Variants in GRIP2 observed in about 807,000 individuals in gnomAD.
The protein encoded by GRIP2 is glutamate receptor interacting protein 2.
Under a neutral mutation model 108.3 loss-of-function variants are expected in GRIP2, and 58 were observed. The ratio of observed to expected loss-of-function variants is 0.54; its 90% confidence interval spans 0.43 to 0.67. The LOEUF (loss-of-function observed/expected upper bound fraction) is 0.67, where lower values mean the gene tolerates loss of function less well. GRIP2 is among the 30% of genes least tolerant of loss of function. The pLI, the probability that GRIP2 is intolerant of heterozygous loss-of-function variation, is 0.00. For synonymous variants in GRIP2, 586 were observed against 598.2 expected (o/e 0.98, Z 0.30); for missense variants, 1,278 against 1,430.6 (o/e 0.89, Z 1.72).
intron 1 of GRIP2, among the ~76,000 whole-genome samples, chr3:14,528,039 C>G (rs1163046325): frequency 1.3e-5 from 2 of 152,218 alleles, no homozygotes; most frequent in African/African-American, 4.8e-5. Context: ...CCCCAAAATT[C>G]TCCCTTGATG....
the GRIP2 span, among the ~76,000 whole-genome samples, chr3:14,585,016 T>C: frequency 1.3e-5 from 2 of 152,176 alleles, no homozygotes; most frequent in African/African-American, 4.8e-5. Context: ...ACAAATATTA[T>C]GGAGTTGTTT....
At chr3:14,582,546 G>A in the GRIP2 span, among the ~76,000 whole-genome samples, 1 of 152,176 alleles carries the variant, frequency 6.6e-6, no homozygotes, top group Admixed American at 6.5e-5. Context: ...GGAGAAGAGA[G>A]GAAGGGAGGG....
At chr3:14,561,129 C>T in the GRIP2 span, among the ~76,000 whole-genome samples, 2 of 152,202 alleles carry the variant, frequency 1.3e-5, no homozygotes, top group African/African-American at 4.8e-5. Flanking sequence ...TGCCAGGCTC[C>T]CCTGTGCTCC....
Position 14,505,742 on chromosome 3 carries a change from G to A in GRIP2, c.2446C>T (p.Arg816Trp), listed in dbSNP as rs755055241. The stretch of plus-strand genomic sequence containing the variant: ...CTGCCCCTCAGCCAGCCAGGCCTCC[G>A]CTCCTGGGGGGTCGTGCCCCGGGCT... ...AAARGTTPQE[R>W]RPGWLRGSPP... is the part of the protein sequence containing the mutation. Residue 816 changes from arginine (R) to tryptophan (W), a missense_variant, in exon 20 of 24, where the codon CGG (arginine) becomes TGG (tryptophan). Transcript: ENST00000621039. This position sits in a 1 kb window ranked among gnomAD's most constrained non-coding sequence, Gnocchi z 4.2. 38 of 1,581,048 alleles carry A rather than the reference G, an allele frequency of 2.4e-5. No homozygotes were observed. The highest frequency in any genetic ancestry group is 1.4e-4 in the East Asian group (6 of 43,428).
chr3:14,567,355 G>A, the GRIP2 span, among the ~76,000 whole-genome samples: 25,914 of 152,062 alleles, frequency 0.17, 2,388 homozygotes, highest in Middle Eastern at 0.28. Flanking sequence ...ATGGGATCCC[G>A]CTCAGTGAGG....
chr3:14,510,834 G>A lies in GRIP2; in HGVS notation c.1933+331C>T, dbSNP rs1021997888. ...GCCTGCCACTCAAAAGGGCAGCCTCGCTCTTCCCCTGCCCTACCCACTCAT... is the reference window on the plus strand; with the variant it reads ...GCCTGCCACTCAAAAGGGCAGCCTCACTCTTCCCCTGCCCTACCCACTCAT... On this transcript the variant is annotated intron_variant, in intron 16 of 23. Transcript: ENST00000621039. 7.2e-5 allele frequency among the ~76,000 whole-genome samples: 11 copies of A among 152,196 alleles called. No individual in the cohort carries two copies. In the East Asian group the frequency reaches 7.8e-4, roughly 11 times the overall value.
intron 3 of GRIP2, 74 bp downstream of exon 3, chr3:14,525,363 T>C (rs950377842): frequency 1.3e-6 from 2 of 1,558,012 alleles, no homozygotes; most frequent in East Asian, 2.2e-5. Flanking sequence ...CTTCAGTACA[T>C]TTTCCACTGG....
At chr3:14,504,759 T>C (rs1372204467) in intron 20 of GRIP2, among the ~76,000 whole-genome samples, 2 of 152,168 alleles carry the variant, frequency 1.3e-5, no homozygotes, top group Non-Finnish European at 2.9e-5. Flanking sequence ...CCACAGACAT[T>C]TCCTGAGCTA....
the GRIP2 span, among the ~76,000 whole-genome samples, chr3:14,603,003 C>T: frequency 6.8e-6 from 1 of 146,912 alleles, no homozygotes; most frequent in East Asian, 2.0e-4. Flanking sequence ...GCCCTGCGGC[C>T]CGGCCCGGCC....
At chr3:14,550,358 C>T (rs536587107) in intron 1 of GRIP2, among the ~76,000 whole-genome samples, 49 of 152,218 alleles carry the variant, frequency 3.2e-4, no homozygotes, top group Non-Finnish European at 5.6e-4. Context: ...TGGCTGGGGC[C>T]TCATCTAGGG....
chr3:14,514,990 C>G (rs537445070), intron 11 of GRIP2, among the ~76,000 whole-genome samples: 3 of 152,282 alleles, frequency 2.0e-5, no homozygotes, highest in East Asian at 3.9e-4. Flanking sequence ...TTCAGCCATC[C>G]CCAAAGATCT....
chr3:14,493,695 C>A lies in GRIP2; in HGVS notation c.3102G>T (p.Ser1034=), dbSNP rs375963902. Residue 1034 remains serine (S), a synonymous_variant, in exon 24 of 24, where the codon TCG becomes TCT. Transcript: ENST00000621039. ...GCATCCGGGGACTGCTGGGGCCTGG[C>A]GATCGGGGGGCCCGGCTGCTGTGTG... ...HTAHSSRAPR[S]PGPSSPRML The A allele has an allele frequency of 1.2e-6, 2 of 1,607,086 alleles. No individual in the cohort carries two copies. Among genetic ancestry groups the A allele is most frequent in the Admixed American group, 1.7e-5 (1 of 59,304 alleles).
chr3:14,506,983 G>T lies in GRIP2; in HGVS notation c.2219-3C>A, dbSNP rs771025468. 74 of 1,595,808 alleles carry T rather than the reference G, an allele frequency of 4.6e-5. 1 individual carries two copies. In the South Asian group the frequency reaches 8.1e-4, roughly 17 times the overall value. On this transcript the variant is annotated splice_polypyrimidine_tract_variant and splice_region_variant and intron_variant, in intron 18 of 23. Coordinates refer to ENST00000621039, the MANE Select transcript of GRIP2 (RefSeq NM_001080423.4). ...CGACTTGCGGGGTAGGAGGGGACCT[G>T]GGAGGAGAGAGGGGTGTCAATTCTG...
At chr3:14,542,130 CTCTT>C (rs1694985812), upstream of GRIP2, 1 of 1,111,314 alleles carries the variant, frequency 9.0e-7, no homozygotes, top group Non-Finnish European at 1.2e-6. Context: ...CTCCCTCTTT[CTCTT>C]TCTCTCTTTT....
At chr3:14,593,006 C>T in the GRIP2 span, among the ~76,000 whole-genome samples, 1 of 152,192 alleles carries the variant, frequency 6.6e-6, no homozygotes, top group Non-Finnish European at 1.5e-5. Flanking sequence ...ATTTTCTGCT[C>T]CACTGATCGC....
At chr3:14,508,594 C>T (rs926118288) in intron 17 of GRIP2, among the ~76,000 whole-genome samples, 10 of 151,952 alleles carry the variant, frequency 6.6e-5, no homozygotes, top group African/African-American at 9.7e-5. Flanking sequence ...GGATAGTGAG[C>T]GAGTCAGGGA....
upstream of GRIP2, among the ~76,000 whole-genome samples, chr3:14,561,033 G>C (rs776334290): frequency 6.6e-6 from 1 of 152,176 alleles, no homozygotes; most frequent in Non-Finnish European, 1.5e-5. Flanking sequence ...TGAGCAGTTC[G>C]ACTGGAAGAT....
At chr3:14,545,546 A>T (rs1433695460), upstream of GRIP2, among the ~76,000 whole-genome samples, 2 of 152,216 alleles carry the variant, frequency 1.3e-5, no homozygotes, top group African/African-American at 4.8e-5. Context: ...GGCAGCTCCC[A>T]GGGGCTCCCT....
the GRIP2 span, among the ~76,000 whole-genome samples, chr3:14,601,034 C>A: frequency 6.6e-6 from 1 of 151,866 alleles, no homozygotes; most frequent in Non-Finnish European, 1.5e-5. Flanking sequence ...CACATAGACA[C>A]ACCATCCACC....
Sources: allele counts gnomAD v4.1 joint callset (sites outside exome capture counted in the v4.1 genomes callset), GRCh38; gene constraint gnomAD v4.1.1; non-coding constraint Gnocchi (gnomAD v3.1); transcripts MANE v1.5; gene names NCBI Gene and HGNC (gene_info 2026-07-23, HGNC 2026-07-21).